The following PXYLP1 variants were observed in gnomAD, a reference collection of about 807,000 sequenced individuals.
PXYLP1 encodes 2-phosphoxylose phosphatase 1, also known as acid phosphatase-like 2.
In PXYLP1, 17 loss-of-function variants were observed where a neutral mutation model predicts 37.9. The observed-to-expected ratio is 0.45, with a 90% CI of 0.31 to 0.67. The LOEUF is 0.67. PXYLP1 is among the 30% of genes least tolerant of loss of function. The probability of loss-of-function intolerance (pLI) is 0.07; values close to 1 mark genes in which losing one functional copy is unlikely to be tolerated. For synonymous variants in PXYLP1, 221 were observed against 232.2 expected (o/e 0.95, Z 0.44); for missense variants, 511 against 612.0 (o/e 0.84, Z 1.74).
chr3:141,292,960 G>A lies in PXYLP1; in HGVS notation c.1198G>A (p.Ala400Thr). 1 of 1,614,194 alleles carries A rather than the reference G, an allele frequency of 6.2e-7. No individual in the cohort carries two copies. Among genetic ancestry groups the A allele is most frequent in the Non-Finnish European group, 8.5e-7 (1 of 1,180,034 alleles). ...TTCAGAAGCCAGGTTCCCAAGGTTT[G>A]CAGCCAGGTTGATCTTTGAGCTTTG... Reference protein sequence around the residue: ...GLSEARFPRFAARLIFELWQD... With the variant: ...GLSEARFPRFTARLIFELWQD... The change falls in exon 6 of 6, where the codon GCA (alanine) becomes ACA (threonine). Residue 400 changes from alanine to threonine, a missense_variant. By Grantham distance (58) the Ala-to-Thr change is moderately conservative. Transcript: ENST00000286353. The surrounding 1 kb of genome is among the most constrained non-coding windows in gnomAD (Gnocchi z 4.3).
chr3:141,282,804 G>A (rs1941984679), intron 4 of PXYLP1, among the ~76,000 whole-genome samples: 1 of 152,218 alleles, frequency 6.6e-6, no homozygotes. Context: ...AGGCAGGCCC[G>A]ATGGGGCCCA....
Position 141,292,836 on chromosome 3 carries a change from C to A in PXYLP1, c.1074C>A (p.Gly358=). 2 of 1,613,936 alleles carry A rather than the reference C, an allele frequency of 1.2e-6. No individual in the cohort carries two copies. The highest frequency in any genetic ancestry group is 1.7e-6 in the Non-Finnish European group (2 of 1,179,930). The part of the protein sequence containing the change: ...GAHPILNQTI[G]RMQRATEGRK... Reference sequence around the variant, plus strand: ...ACCCCATCCTGAACCAAACCATCGGCCGGATGCAGCGTGCCACCGAGGGCA... The same window carrying A: ...ACCCCATCCTGAACCAAACCATCGGACGGATGCAGCGTGCCACCGAGGGCA... Residue 358 remains glycine (G), a synonymous_variant, in exon 6 of 6, where the codon GGC becomes GGA. Transcript: ENST00000286353. This position sits in a 1 kb window ranked among gnomAD's most constrained non-coding sequence, Gnocchi z 4.3.
chr3:141,269,285 C>T (rs531030180), intron 2 of PXYLP1, among the ~76,000 whole-genome samples: 20 of 152,314 alleles, frequency 1.3e-4, no homozygotes, highest in African/African-American at 3.8e-4. Flanking sequence ...AGTGACCATC[C>T]GTCACCATTC....
intron 1 of PXYLP1, among the ~76,000 whole-genome samples, chr3:141,241,557 G>A (rs1409296033): frequency 6.6e-6 from 1 of 152,186 alleles, no homozygotes; most frequent in Non-Finnish European, 1.5e-5. Context: ...GGATAAGCAG[G>A]AGTTAACCAG....
intron 1 of PXYLP1, among the ~76,000 whole-genome samples, chr3:141,257,328 G>T (rs967654632): frequency 6.6e-6 from 1 of 152,180 alleles, no homozygotes; most frequent in Admixed American, 6.5e-5. Flanking sequence ...CTCAGTGTTG[G>T]AAAAGTAGTA....
In PXYLP1 at chr3:141,259,235, AG is replaced by A. The variant is rs933113763; in HGVS notation, c.-53-887del. Among the ~76,000 whole-genome samples the A allele has an allele frequency of 3.1e-4, 47 of 152,348 alleles. 1 individual carries two copies. The highest frequency in any genetic ancestry group is 2.5e-3 in the Admixed American group (39 of 15,312). ...AGAAGATTATATTTGAATGGGGAAA[AG>A]ATTCAAGTTTGAAATTACCGTTACA... On this transcript the variant is annotated intron_variant, in intron 1 of 5. Transcript: ENST00000286353.
At chr3:141,259,226 AT>A (rs1456125514) in intron 1 of PXYLP1, among the ~76,000 whole-genome samples, 1 of 152,212 alleles carries the variant, frequency 6.6e-6, no homozygotes, top group Non-Finnish European at 1.5e-5. Context: ...TTATATTTGA[AT>A]GGGGAAAAGA....
At chr3:141,242,823 G>A (rs1362384024) in intron 1 of PXYLP1, among the ~76,000 whole-genome samples, 1 of 152,164 alleles carries the variant, frequency 6.6e-6, no homozygotes, top group East Asian at 1.9e-4. Context: ...TGCCCCCTGA[G>A]GCAGGCAGCA....
intron 2 of PXYLP1, chr3:141,273,981 C>T: frequency 2.0e-6 from 2 of 985,800 alleles, no homozygotes; most frequent in Non-Finnish European, 2.4e-6. Context: ...TATTTATCTG[C>T]CCACTATTCT....
chr3:141,266,378 T>A (rs1941512041), intron 2 of PXYLP1, among the ~76,000 whole-genome samples: 1 of 151,998 alleles, frequency 6.6e-6, no homozygotes. Context: ...GAGAGTGCTG[T>A]CTTGGTCGCC....
At position 141,287,459 on chromosome 3, in the gene PXYLP1, TG is replaced by T. The variant is rs1430705803; in HGVS notation, c.505+7del. 1 of 1,613,442 alleles carries T rather than the reference TG, an allele frequency of 6.2e-7. No homozygotes were observed. The highest frequency in any genetic ancestry group is 8.5e-7 in the Non-Finnish European group (1 of 1,179,696). ...GGGAGAGCTCACACAGACAGGTATG[TG>T]TGACCCCCATGCGCTCAGGGGTTCC... On this transcript the variant is annotated splice_region_variant and intron_variant, in intron 5 of 5. Transcript: ENST00000286353.
chr3:141,262,873 T>C, intron 2 of PXYLP1: 1 of 535,124 alleles, frequency 1.9e-6, no homozygotes, highest in Non-Finnish European at 3.2e-6. Flanking sequence ...CCACTTATGT[T>C]CTCATTCTTA....
chr3:141,242,165 T>C (rs1576574816), intron 1 of PXYLP1, among the ~76,000 whole-genome samples: 3 of 152,314 alleles, frequency 2.0e-5, no homozygotes, highest in African/African-American at 4.8e-5. Context: ...ACTTGGAATA[T>C]GTACTGGTTG....
chr3:141,242,147 G>A (rs1940817764), intron 1 of PXYLP1, among the ~76,000 whole-genome samples: 1 of 152,126 alleles, frequency 6.6e-6, no homozygotes, highest in African/African-American at 2.4e-5. Context: ...CAATGCTTCT[G>A]GCTACTCACT....
At chr3:141,248,428 T>G (rs1382759263) in intron 1 of PXYLP1, among the ~76,000 whole-genome samples, 1 of 151,728 alleles carries the variant, frequency 6.6e-6, no homozygotes. Context: ...TGGGTAACAG[T>G]GCTCTTAGCT....
intron 1 of PXYLP1, among the ~76,000 whole-genome samples, chr3:141,254,641 G>T (rs1303345642): frequency 6.6e-6 from 1 of 152,016 alleles, no homozygotes. Flanking sequence ...CTTTGGAAAA[G>T]GGGAACTATT....
At position 141,293,239 on chromosome 3, in the gene PXYLP1, C is replaced by T. The variant is rs777060837; in HGVS notation, c.*34C>T. 1 of 1,564,482 alleles carries T rather than the reference C, an allele frequency of 6.4e-7. No individual in the cohort carries two copies. ...CAGTACAGCAGTATAGAATCCATGCCAATACAGAGCATAGGGAAAGGTCCA... is the reference window on the plus strand; with the variant it reads ...CAGTACAGCAGTATAGAATCCATGCTAATACAGAGCATAGGGAAAGGTCCA... On this transcript the variant is annotated 3_prime_UTR_variant, in exon 6 of 6. Coordinates refer to ENST00000286353, the MANE Select transcript of PXYLP1 (RefSeq NM_001037172.3).
chr3:141,242,426 C>G (rs1940827935), intron 1 of PXYLP1, among the ~76,000 whole-genome samples: 1 of 152,220 alleles, frequency 6.6e-6, no homozygotes, highest in South Asian at 2.1e-4. Flanking sequence ...GGTAAGGGTT[C>G]TGATAACTGT....
chr3:141,233,692 T>A (rs1940590229), intron 1 of PXYLP1, among the ~76,000 whole-genome samples: 1 of 152,200 alleles, frequency 6.6e-6, no homozygotes, highest in South Asian at 2.1e-4. Flanking sequence ...GAGGCTGCGT[T>A]TGGGCACCAG....
Sources: allele counts gnomAD v4.1 joint callset (sites outside exome capture counted in the v4.1 genomes callset), GRCh38; gene constraint gnomAD v4.1.1; non-coding constraint Gnocchi (gnomAD v3.1); transcripts MANE v1.5; gene names NCBI Gene and HGNC (gene_info 2026-07-23, HGNC 2026-07-21).